Variants in ZZZ3 observed in about 807,000 individuals in gnomAD.
ZZZ3 encodes the protein ZZ-type zinc finger-containing protein 3.
In ZZZ3, 22 loss-of-function variants were observed where a neutral mutation model predicts 95.2. The ratio of observed to expected loss-of-function variants is 0.23; its 90% CI spans 0.17 to 0.33. The LOEUF (loss-of-function observed/expected upper bound fraction) is 0.33. Ranked by LOEUF, ZZZ3 falls within the 10% of genes least tolerant of loss-of-function variation. The pLI is 1.00. For missense variants in ZZZ3, 885 were observed against 1,066.5 expected, an observed-to-expected ratio of 0.83 and a Z score of 2.37; for synonymous variants, 335 against 358.9, an observed-to-expected ratio of 0.93 and a Z score of 0.75.
intron 5 of ZZZ3, among the ~76,000 whole-genome samples, chr1:77,614,091 G>A (rs929421164): frequency 6.6e-6 from 1 of 152,066 alleles, no homozygotes; most frequent in Non-Finnish European, 1.5e-5. Flanking sequence ...ACAGATTAAT[G>A]ACATGACACT....
intron 5 of ZZZ3, among the ~76,000 whole-genome samples, chr1:77,592,161 A>G (rs1157625821): frequency 6.6e-6 from 1 of 152,166 alleles, no homozygotes; most frequent in East Asian, 1.9e-4. Flanking sequence ...CTACAGTTTA[A>G]GTCAATGGCC....
intron 12 of ZZZ3, among the ~76,000 whole-genome samples, chr1:77,568,746 C>A: frequency 6.6e-6 from 1 of 151,186 alleles, no homozygotes; most frequent in South Asian, 2.1e-4. Context: ...CTCTGTCACA[C>A]ACTATTGCAA....
intron 1 of ZZZ3, among the ~76,000 whole-genome samples, chr1:77,665,404 G>A (rs747053331): frequency 1.2e-4 from 18 of 152,166 alleles, no homozygotes; most frequent in Admixed American, 2.0e-4. Flanking sequence ...GCTGAAGACA[G>A]CAAAACTGTT....
chr1:77,647,661 C>T (rs542058425), intron 1 of ZZZ3, among the ~76,000 whole-genome samples: 2 of 152,172 alleles, frequency 1.3e-5, no homozygotes, highest in South Asian at 4.1e-4. Flanking sequence ...TTTAATTATG[C>T]TTATATAATT....
At chr1:77,667,090 A>G (rs1230997207) in intron 1 of ZZZ3, among the ~76,000 whole-genome samples, 1 of 152,256 alleles carries the variant, frequency 6.6e-6, no homozygotes, top group Non-Finnish European at 1.5e-5. Flanking sequence ...CAGAAAAAGC[A>G]TTCTTAGTTT....
At chr1:77,631,781 G>T in intron 5 of ZZZ3, 69 bp downstream of exon 5, 2 of 1,276,724 alleles carry the variant, frequency 1.6e-6, no homozygotes, top group South Asian at 1.6e-5. Context: ...AAAACACTAC[G>T]AATAGATACT....
At position 77,564,198 on chromosome 1, in the gene ZZZ3, CT is replaced by C. The variant is rs1660636518; in HGVS notation, c.*1441del. 1 of 152,040 alleles carries C rather than the reference CT, an allele frequency of 6.6e-6. No homozygotes were observed. Among genetic ancestry groups the C allele is most frequent in the Admixed American group, 6.6e-5 (1 of 15,254 alleles). The allele number at this position is 152,040 out of a possible 1,614,324, so 9.4% of individuals were successfully genotyped here. A position where few individuals can be genotyped will look rare whatever the true frequency, so the allele number is the denominator to read the frequency against. Reference sequence around the variant, plus strand: ...ACACAACTAGAAAAAAAATTTTCAACTTTAGTTTTCACACCTGAGCATTAAT... The same window carrying C: ...ACACAACTAGAAAAAAAATTTTCAACTTAGTTTTCACACCTGAGCATTAAT... On this transcript the variant is annotated 3_prime_UTR_variant, in exon 15 of 15. Coordinates refer to ENST00000370801, the MANE Select transcript of ZZZ3 (RefSeq NM_015534.6).
At chr1:77,604,130 G>A (rs1665002970) in intron 5 of ZZZ3, among the ~76,000 whole-genome samples, 1 of 152,186 alleles carries the variant, frequency 6.6e-6, no homozygotes, top group Non-Finnish European at 1.5e-5. Context: ...CTCCAATTAT[G>A]AGTAGCCACT....
At chr1:77,615,679 T>A (rs1666240005) in intron 5 of ZZZ3, among the ~76,000 whole-genome samples, 1 of 152,200 alleles carries the variant, frequency 6.6e-6, no homozygotes, top group Admixed American at 6.5e-5. Context: ...TAGTAAAAAT[T>A]AAATATCCTT....
At chr1:77,683,373 A>G (rs1040348493), upstream of ZZZ3, 1 of 151,512 alleles carries the variant, frequency 6.6e-6, no homozygotes, top group African/African-American at 2.4e-5. Flanking sequence ...AGGAAGCTCG[A>G]TAGCGGCGCC....
At chr1:77,650,697 G>GA (rs1418638439) in intron 1 of ZZZ3, among the ~76,000 whole-genome samples, 1 of 147,244 alleles carries the variant, frequency 6.8e-6, no homozygotes, top group Non-Finnish European at 1.5e-5. Context: ...ATAATCCACA[G>GA]AAAAAGAAGA....
chr1:77,675,599 C>T (rs1672183612), intron 1 of ZZZ3, among the ~76,000 whole-genome samples: 2 of 146,252 alleles, frequency 1.4e-5, no homozygotes, highest in Admixed American at 1.4e-4. Context: ...ACAGGACACA[C>T]TTTTTTTTTT....
chr1:77,588,538 C>T (rs11801808), intron 5 of ZZZ3, among the ~76,000 whole-genome samples: 7,863 of 151,912 alleles, frequency 0.052, 261 homozygotes, highest in Middle Eastern at 0.078. Flanking sequence ...TGAAGAAAAA[C>T]CTTGTCTCAG....
rs1000912544 is a variant in ZZZ3 at position 77,644,136 on chromosome 1, A to T, written c.-402-2481T>A. The stretch of plus-strand genomic sequence containing the variant: ...GCTGGAGTGCAACGGTGCGATCTCG[A>T]CTCAATGCAGCCTCTGCCTCCTGGA... On this transcript the variant is annotated intron_variant, in intron 1 of 14. Transcript: ENST00000370801. 2.0e-5 allele frequency among the ~76,000 whole-genome samples: 3 copies of T among 150,894 alleles called. No homozygotes were observed. The East Asian group carries it at 5.8e-4, about 29-fold the overall frequency.
At chr1:77,653,402 T>C (rs900087251) in intron 1 of ZZZ3, among the ~76,000 whole-genome samples, 1 of 152,210 alleles carries the variant, frequency 6.6e-6, no homozygotes, top group African/African-American at 2.4e-5. Context: ...AATCACCAAA[T>C]TGTATAATTT....
intron 5 of ZZZ3, among the ~76,000 whole-genome samples, chr1:77,602,739 G>T (rs1195104402): frequency 1.3e-5 from 2 of 151,424 alleles, no homozygotes; most frequent in African/African-American, 4.9e-5. Context: ...CCCAGTAGCT[G>T]GGATTACAGA....
At chr1:77,636,741 A>G (rs6699311) in intron 4 of ZZZ3, among the ~76,000 whole-genome samples, 83,996 of 145,656 alleles carry the variant, frequency 0.58, 26,643 homozygotes, top group Non-Finnish European at 0.71. Flanking sequence ...CACGTATAGT[A>G]AGGCCTATCT....
intron 1 of ZZZ3, among the ~76,000 whole-genome samples, chr1:77,650,554 A>G (rs1053759620): frequency 2.6e-5 from 4 of 152,128 alleles, no homozygotes; most frequent in African/African-American, 9.7e-5. Context: ...GCAGCATATC[A>G]AAATCTCTGG....
intron 1 of ZZZ3, among the ~76,000 whole-genome samples, chr1:77,643,068 G>C (rs1668930584): frequency 6.6e-6 from 1 of 152,046 alleles, no homozygotes; most frequent in Non-Finnish European, 1.5e-5. Flanking sequence ...GAAAAAGGTA[G>C]CCACATGTGG....
Sources: allele counts gnomAD v4.1 joint callset (sites outside exome capture counted in the v4.1 genomes callset), GRCh38; gene constraint gnomAD v4.1.1; transcripts MANE v1.5; gene names NCBI Gene and HGNC (gene_info 2026-07-23, HGNC 2026-07-21).